Variants in SHANK2 observed in about 807,000 individuals in gnomAD.
SHANK2 encodes SH3 and multiple ankyrin repeat domains 2.
In SHANK2, 43 loss-of-function variants were observed where a neutral mutation model predicts 133.7. The ratio of observed to expected loss-of-function variants is 0.32; its 90% CI spans 0.25 to 0.41. SHANK2 has a LOEUF of 0.41. SHANK2 is among the 10% of genes least tolerant of loss of function. The probability of loss-of-function intolerance (pLI) is 1.00; values close to 1 mark genes in which losing one functional copy is unlikely to be tolerated. For synonymous variants in SHANK2, 1,017 were observed against 952.8 expected (o/e 1.07, Z -1.24); for missense variants, 1,994 against 2,235.8 (o/e 0.89, Z 2.18).
chr11:71,148,178 G>A (rs1394502916), intron 2 of SHANK2, among the ~76,000 whole-genome samples: 9 of 151,044 alleles, frequency 6.0e-5, no homozygotes, highest in East Asian at 5.9e-4. Context: ...TCCGCCTCCC[G>A]GGTTCAGACG....
chr11:70,614,203 C>T (rs899164946), intron 17 of SHANK2, among the ~76,000 whole-genome samples: 1 of 152,200 alleles, frequency 6.6e-6, no homozygotes, highest in African/African-American at 2.4e-5. Context: ...CCAGGAAGGG[C>T]CTCCTGGAGC....
intron 25 of SHANK2, chr11:70,474,730 G>A (rs1301857653): frequency 1.3e-5 from 2 of 152,158 alleles, no homozygotes; most frequent in African/African-American, 4.8e-5. Flanking sequence ...GGATATGAAC[G>A]GCCCACCCAC....
At chr11:70,850,130 G>C (rs1337840823) in intron 11 of SHANK2, among the ~76,000 whole-genome samples, 4 of 152,228 alleles carry the variant, frequency 2.6e-5, no homozygotes, top group Admixed American at 1.3e-4. Context: ...CTTTCACTCA[G>C]CACAGTGCCC....
chr11:71,167,830 C>T (rs1422202717), intron 2 of SHANK2, among the ~76,000 whole-genome samples: 19 of 119,990 alleles, frequency 1.6e-4, no homozygotes, highest in Middle Eastern at 8.9e-3. Context: ...ACGGGGCGGC[C>T]GGCCAGGCAG....
At position 70,473,865 on chromosome 11, in the gene SHANK2, G is replaced by C. The variant is rs1555149444; in HGVS notation, c.4980-426C>G. The C allele has an allele frequency of 4.8e-5, 15 of 311,200 alleles. No homozygotes were observed. Among genetic ancestry groups the C allele is most frequent in the Non-Finnish European group, 1.3e-5 (2 of 156,740 alleles). 19.3% of individuals were successfully genotyped at this position (311,200 alleles called of 1,614,324 possible). A position where few individuals can be genotyped will look rare whatever the true frequency, so the allele number is the denominator to read the frequency against. On this transcript the variant is annotated intron_variant, in intron 25 of 25. Coordinates refer to ENST00000601538, the MANE Select transcript of SHANK2 (RefSeq NM_012309.5). The surrounding 1 kb of genome is among the most constrained non-coding windows in gnomAD (Gnocchi z 5.9). ...GAGGGCACGGAGACAGGGACAGAGT[G>C]GGGTCCTGTCACCTGGGTAGAACGT...
At chr11:71,171,936 C>A (rs1020587938) in intron 2 of SHANK2, among the ~76,000 whole-genome samples, 1 of 22,572 alleles carries the variant, frequency 4.4e-5, no homozygotes, top group East Asian at 3.8e-3. Context: ...ACAATCTAGT[C>A]CACACGCCTG....
At chr11:70,845,327 C>G (rs554397608) in intron 11 of SHANK2, among the ~76,000 whole-genome samples, 1 of 152,078 alleles carries the variant, frequency 6.6e-6, no homozygotes, top group East Asian at 1.9e-4. Context: ...GGACTTTCCA[C>G]TGGAGTGGAT....
chr11:70,641,349 T>G (rs534645518), intron 17 of SHANK2, among the ~76,000 whole-genome samples: 29 of 152,168 alleles, frequency 1.9e-4, no homozygotes, highest in Admixed American at 8.5e-4. Flanking sequence ...CGCCTTGGCC[T>G]CCCAAAGTGC....
chr11:70,505,412 A>G (rs1591515874), intron 17 of SHANK2, among the ~76,000 whole-genome samples: 1 of 151,966 alleles, frequency 6.6e-6, no homozygotes, highest in African/African-American at 2.4e-5. Context: ...GCCCAGGCTC[A>G]GGAGCCGCGA....
intron 6 of SHANK2, among the ~76,000 whole-genome samples, chr11:71,094,913 G>A (rs1441858585): frequency 3.9e-5 from 6 of 152,224 alleles, no homozygotes; most frequent in African/African-American, 1.2e-4. Context: ...ACAACACAGC[G>A]GTGGCAGAGG....
chr11:71,099,904 C>T (rs538951703), intron 6 of SHANK2, among the ~76,000 whole-genome samples: 1 of 152,138 alleles, frequency 6.6e-6, no homozygotes, highest in South Asian at 2.1e-4. Flanking sequence ...TAAAAATTTG[C>T]CAGGCATAGT....
intron 2 of SHANK2, among the ~76,000 whole-genome samples, chr11:71,213,315 C>T (rs782576622): frequency 6.6e-5 from 10 of 152,132 alleles, no homozygotes; most frequent in East Asian, 3.9e-4. Flanking sequence ...TTTGTGAGGA[C>T]GCCAAGATTA....
intron 9 of SHANK2, among the ~76,000 whole-genome samples, chr11:71,065,990 G>A (rs1951051655): frequency 7.3e-6 from 1 of 137,880 alleles, no homozygotes; most frequent in Non-Finnish European, 1.5e-5. Flanking sequence ...AAGTTGGGAG[G>A]GGAGTACAGA....
At chr11:70,811,461 C>T (rs1387135292) in intron 12 of SHANK2, among the ~76,000 whole-genome samples, 1 of 152,076 alleles carries the variant, frequency 6.6e-6, no homozygotes, top group Non-Finnish European at 1.5e-5. Flanking sequence ...ATTAATCCAT[C>T]CACTCATCTC....
intron 17 of SHANK2, among the ~76,000 whole-genome samples, chr11:70,549,325 A>T (rs543850355): frequency 1.2e-3 from 183 of 152,294 alleles, no homozygotes; most frequent in African/African-American, 4.2e-3. Flanking sequence ...GGTGCGGGTC[A>T]TTTCAAGTTT....
In SHANK2 at chr11:70,631,404, A is replaced by ACACACACACC. The variant is rs1555002170; in HGVS notation, c.2061+28423_2061+28424insGGTGTGTGTG. On this transcript the variant is annotated intron_variant, in intron 17 of 25. Coordinates refer to ENST00000601538, the MANE Select transcript of SHANK2 (RefSeq NM_012309.5). ...CACACACACACACACACACACACAC[A>ACACACACACC]CACACCCACACAACCTCCCTCCCAC... Among the ~76,000 whole-genome samples, 266 of 149,384 alleles carry ACACACACACC rather than the reference A, an allele frequency of 1.8e-3. 2 individuals carry two copies. Among genetic ancestry groups the ACACACACACC allele is most frequent in the African/African-American group, 6.1e-3 (250 of 40,840 alleles).
At position 70,559,516 on chromosome 11, in the gene SHANK2, C is replaced by T. The variant is rs188801751; in HGVS notation, c.2062-56585G>A. Among the ~76,000 whole-genome samples the T allele has an allele frequency of 3.4e-3, 516 of 152,262 alleles. 3 individuals are homozygous for T. Among genetic ancestry groups the T allele is most frequent in the African/African-American group, 0.011 (464 of 41,544 alleles). ...CATTCCCTAGCAGGACCCCCAGAGC[C>T]GCCTCAGCTTTCTGACAGTGGCACG... On this transcript the variant is annotated intron_variant, in intron 17 of 25. Coordinates refer to ENST00000601538, the MANE Select transcript of SHANK2 (RefSeq NM_012309.5).
At chr11:71,085,988 T>A (rs1414485102) in intron 8 of SHANK2, among the ~76,000 whole-genome samples, 4 of 81,056 alleles carry the variant, frequency 4.9e-5, no homozygotes, top group African/African-American at 6.0e-5. Flanking sequence ...ATGTTATATA[T>A]TATATTATGT....
chr11:70,494,469 T>C (rs1379499433), intron 21 of SHANK2, among the ~76,000 whole-genome samples: 1 of 152,168 alleles, frequency 6.6e-6, no homozygotes, highest in Non-Finnish European at 1.5e-5. Flanking sequence ...AATTTTTGTA[T>C]TTTTAGTAGA....
Sources: gnomAD v4.1 joint callset for allele counts (sites outside exome capture counted in the v4.1 genomes callset) on GRCh38, gnomAD v4.1.1 for gene constraint, Gnocchi (gnomAD v3.1) non-coding constraint, MANE v1.5 for transcripts, NCBI Gene and HGNC (gene_info 2026-07-23, HGNC 2026-07-21) for gene names.